GPR158: variants seen among roughly 807,000 people sequenced by gnomAD.
GPR158 encodes G protein-coupled receptor 158, also known as metabotropic glycine receptor.
GPR158 carries 30 observed loss-of-function variants against 78.2 expected under a neutral mutation model. The ratio of observed to expected loss-of-function variants is 0.38; its 90% CI spans 0.29 to 0.52. The LOEUF is 0.52. Ranked by LOEUF, GPR158 falls within the 20% of genes least tolerant of loss-of-function variation. GPR158 has a pLI of 0.83. For synonymous variants in GPR158, 581 were observed against 591.1 expected, an observed-to-expected ratio of 0.98 and a Z score of 0.25; for missense variants, 1,463 against 1,523.5, an observed-to-expected ratio of 0.96 and a Z score of 0.66.
At chr10:25,320,734 A>G (rs1013965186) in intron 2 of GPR158, among the ~76,000 whole-genome samples, 1 of 152,228 alleles carries the variant, frequency 6.6e-6, no homozygotes, top group Admixed American at 6.5e-5. Flanking sequence ...TATTATTCCT[A>G]GAATGGATCA....
intron 2 of GPR158, among the ~76,000 whole-genome samples, chr10:25,232,101 T>C (rs1853456348): frequency 6.6e-6 from 1 of 151,864 alleles, no homozygotes; most frequent in African/African-American, 2.4e-5. Flanking sequence ...ATTTGGAATA[T>C]GTAGCTAAAT....
rs149833592 is a variant in GPR158, at chr10:25,395,981, A to T, written c.1079A>T (p.His360Leu). The change falls in exon 3 of 11, where the codon CAT (histidine) becomes CTT (leucine). Residue 360 changes from histidine to leucine, a missense_variant. By Grantham distance (99) the His-to-Leu change is moderately conservative. Transcript: ENST00000376351. ...YECICKAGFY[H>L]PGVLPVNNFR... ...TGCATTTGCAAAGCAGGATTCTATC[A>T]TCCTGGAGTCTTACCAGTGAACAAC... is the stretch of plus-strand genomic sequence containing the variant. The T allele has an allele frequency of 6.2e-7, 1 of 1,606,296 alleles. No individual in the cohort carries two copies. Among genetic ancestry groups the T allele is most frequent in the Non-Finnish European group, 8.5e-7 (1 of 1,172,924 alleles).
At position 25,432,997 on chromosome 10, in the gene GPR158, A is replaced by G. The variant is rs150595084; in HGVS notation, c.1335+20524A>G. On this transcript the variant is annotated intron_variant, in intron 4 of 10. Transcript: ENST00000376351. ...ATCATGTATAGTATCATCAAACAGT[A>G]TCACGTATAGTGAATGACTTTGGGG... Among the ~76,000 whole-genome samples the G allele has an allele frequency of 2.1e-4, 32 of 152,380 alleles. No homozygotes were observed. In the East Asian group the frequency reaches 6.2e-3, roughly 29 times the overall value.
In GPR158 at chr10:25,180,535, T is replaced by C. The variant is rs761298211; in HGVS notation, c.902+4213T>C. ...ATATACTTTGCCCAAACCAGTGATA[T>C]ACACTTACTCTTTTTGGGCCAACAA... On this transcript the variant is annotated intron_variant, in intron 1 of 10. Coordinates refer to ENST00000376351, the MANE Select transcript of GPR158 (RefSeq NM_020752.3). Among the ~76,000 whole-genome samples the C allele has an allele frequency of 5.3e-5, 8 of 152,346 alleles. 1 individual carries two copies. Among genetic ancestry groups the C allele is most frequent in the Non-Finnish European group, 1.0e-4 (7 of 68,024 alleles).
intron 2 of GPR158, among the ~76,000 whole-genome samples, chr10:25,269,618 C>T (rs1325327840): frequency 6.6e-6 from 1 of 152,160 alleles, no homozygotes; most frequent in Non-Finnish European, 1.5e-5. Context: ...TAGCAACTTT[C>T]GCTAACATTA....
chr10:25,502,264 C>T (rs1835952796), intron 5 of GPR158, among the ~76,000 whole-genome samples: 1 of 152,100 alleles, frequency 6.6e-6, no homozygotes, highest in Non-Finnish European at 1.5e-5. Context: ...GTAGATATAG[C>T]CAGGGTATTT....
chr10:25,353,540 T>C (rs1855504366), intron 2 of GPR158, among the ~76,000 whole-genome samples: 1 of 152,070 alleles, frequency 6.6e-6, no homozygotes, highest in Non-Finnish European at 1.5e-5. Context: ...TTCAGAGCTC[T>C]GAACGTCTAC....
At chr10:25,413,260 G>T (rs1426951796) in intron 4 of GPR158, among the ~76,000 whole-genome samples, 1 of 152,190 alleles carries the variant, frequency 6.6e-6, no homozygotes, top group Non-Finnish European at 1.5e-5. Context: ...TGAGTCTAGA[G>T]TTCAAGACTA....
Position 25,247,388 on chromosome 10 carries a change from A to C in GPR158, c.1008+26231A>C, listed in dbSNP as rs1937436761. On this transcript the variant is annotated intron_variant, in intron 2 of 10. Transcript: ENST00000376351. ...GTGCAGGTTAGTTACATATGTATACATGTGCCATGCTGGTGCGCTGCACCC... is the reference window on the plus strand; with the variant it reads ...GTGCAGGTTAGTTACATATGTATACCTGTGCCATGCTGGTGCGCTGCACCC... Among the ~76,000 whole-genome samples the C allele has an allele frequency of 5.5e-5, 8 of 146,646 alleles. No individual in the cohort carries two copies. In the Admixed American group the frequency reaches 5.5e-4, roughly 10 times the overall value.
intron 3 of GPR158, among the ~76,000 whole-genome samples, chr10:25,409,907 A>C (rs946407971): frequency 6.6e-6 from 1 of 152,150 alleles, no homozygotes; most frequent in African/African-American, 2.4e-5. Context: ...ATACTATTCT[A>C]TCTTATTACT....
Position 25,598,829 on chromosome 10 carries a change from A to T in GPR158, c.3203A>T (p.Lys1068Met), listed in dbSNP as rs749772661. Reference sequence around the variant, plus strand: ...CAATCCAATCAGAAGCGCATAGATAAGGCTGAAGTATGCCTTTGGGAGAGC... The same window carrying T: ...CAATCCAATCAGAAGCGCATAGATATGGCTGAAGTATGCCTTTGGGAGAGC... ...CQQSNQKRID[K>M]AEVCLWESQG... Residue 1068 changes from lysine to methionine, a missense_variant, in exon 11 of 11, where the codon AAG becomes ATG. Lys to Met is a moderately conservative substitution (Grantham distance 95, BLOSUM62 -1). Transcript: ENST00000376351. The T allele has an allele frequency of 6.2e-7, 1 of 1,614,132 alleles. No homozygotes were observed. The highest frequency in any genetic ancestry group is 8.5e-7 in the Non-Finnish European group (1 of 1,180,018).
chr10:25,433,184 A>C (rs981515081), intron 4 of GPR158, among the ~76,000 whole-genome samples: 4 of 152,208 alleles, frequency 2.6e-5, no homozygotes, highest in Non-Finnish European at 5.9e-5. Context: ...CATACCTGTT[A>C]ACTACTGTGC....
chr10:25,530,302 C>T (rs1277055957), intron 5 of GPR158, among the ~76,000 whole-genome samples: 3 of 152,160 alleles, frequency 2.0e-5, no homozygotes, highest in Non-Finnish European at 2.9e-5. Flanking sequence ...CTGGTTACGG[C>T]ACCAAGAAGG....
chr10:25,584,108 G>A (rs916714579), intron 7 of GPR158, among the ~76,000 whole-genome samples: 1 of 138,256 alleles, frequency 7.2e-6, no homozygotes. Flanking sequence ...AGATTAAAAA[G>A]ACTTCAGTTT....
intron 7 of GPR158, 77 bp downstream of exon 7, chr10:25,572,964 C>A: frequency 2.3e-6 from 2 of 877,710 alleles, no homozygotes; most frequent in East Asian, 4.8e-5. Flanking sequence ...AAAAGTCTTG[C>A]CAGACTCTTT....
chr10:25,231,948 C>T (rs1361056112), intron 2 of GPR158, among the ~76,000 whole-genome samples: 1 of 152,120 alleles, frequency 6.6e-6, no homozygotes, highest in East Asian at 1.9e-4. Flanking sequence ...TGATCTGCAG[C>T]ATATGCAGGG....
chr10:25,233,636 T>C (rs971862829), intron 2 of GPR158, among the ~76,000 whole-genome samples: 4 of 152,256 alleles, frequency 2.6e-5, no homozygotes, highest in Non-Finnish European at 4.4e-5. Flanking sequence ...GTCTGTATAA[T>C]GCAGTCATTT....
At chr10:25,494,929 C>G (rs550132260) in intron 5 of GPR158, among the ~76,000 whole-genome samples, 90 of 152,224 alleles carry the variant, frequency 5.9e-4, no homozygotes, top group African/African-American at 2.1e-3. Flanking sequence ...CAAATGTTCA[C>G]CAACAGAGGA....
chr10:25,225,512 T>C (rs1853361291), intron 2 of GPR158, among the ~76,000 whole-genome samples: 1 of 152,112 alleles, frequency 6.6e-6, no homozygotes, highest in Non-Finnish European at 1.5e-5. Context: ...TCATGTAAAG[T>C]ATAGATTGAG....
Sources: gnomAD v4.1 joint callset for allele counts (sites outside exome capture counted in the v4.1 genomes callset) on GRCh38, gnomAD v4.1.1 for gene constraint, MANE v1.5 for transcripts, NCBI Gene and HGNC (gene_info 2026-07-23, HGNC 2026-07-21) for gene names.